Variants in FAT3 observed in about 807,000 individuals in gnomAD.
FAT3 encodes FAT atypical cadherin 3, also known as protocadherin Fat 3.
FAT3 carries 95 observed loss-of-function variants against 310.2 expected under a neutral mutation model. That is an observed-to-expected ratio of 0.31 (90% confidence interval 0.26 to 0.36). The LOEUF is 0.36. Among genes scored for constraint, FAT3 ranks in the 10% least tolerant of loss-of-function variants. FAT3 has a pLI of 1.00. For missense variants in FAT3, 5,408 were observed against 5,715.6 expected (o/e 0.95, Z 1.74); for synonymous variants, 2,314 against 2,192.9 (o/e 1.06, Z -1.54).
intron 4 of FAT3, among the ~76,000 whole-genome samples, chr11:92,728,133 G>A (rs953034209): frequency 5.9e-5 from 9 of 152,102 alleles, no homozygotes; most frequent in Non-Finnish European, 1.2e-4. Context: ...AAGGATTCTC[G>A]GAGGCTATTT....
At chr11:92,581,539 T>C (rs1938799958) in intron 3 of FAT3, among the ~76,000 whole-genome samples, 1 of 152,214 alleles carries the variant, frequency 6.6e-6, no homozygotes, top group East Asian at 1.9e-4. Flanking sequence ...ATCTGATTTT[T>C]ACCCCTTCTT....
At chr11:92,378,352 A>G (rs1949404031) in intron 2 of FAT3, among the ~76,000 whole-genome samples, 1 of 152,182 alleles carries the variant, frequency 6.6e-6, no homozygotes, top group Non-Finnish European at 1.5e-5. Flanking sequence ...AGGAGACTTT[A>G]TCATCGAGAT....
chr11:92,887,060 A>G lies in FAT3; in HGVS notation c.12998A>G (p.Asn4333Ser), dbSNP rs765678336. The part of the protein sequence containing the change: ...TCFAGSNKGS[N>S]SEVQSLSSFQ... ...TTTGCAGGTAGTAATAAAGGCAGCA[A>G]CTCTGAAGTTCAGTCCCTCAGCTCC... The change falls in exon 25 of 28, where the codon AAC becomes AGC. Residue 4333 changes from asparagine (N) to serine (S), a missense_variant. Asn to Ser is a conservative substitution (Grantham distance 46). Transcript: ENST00000525166. 4.3e-6 allele frequency: 7 copies of G among 1,611,898 alleles called. No homozygotes were observed. The highest frequency in any genetic ancestry group is 5.9e-6 in the Non-Finnish European group (7 of 1,179,214).
intron 13 of FAT3, among the ~76,000 whole-genome samples, chr11:92,824,284 G>A (rs1948047400): frequency 6.6e-6 from 1 of 152,094 alleles, no homozygotes; most frequent in African/African-American, 2.4e-5. Flanking sequence ...TTGAACCCAG[G>A]AGGCAGAGGT....
At chr11:92,270,946 C>A (rs1187175) in intron 1 of FAT3, among the ~76,000 whole-genome samples, 83,088 of 151,670 alleles carry the variant, frequency 0.55, 23,031 homozygotes, top group Non-Finnish European at 0.58. Flanking sequence ...TTTTTACATC[C>A]AATCCATTAG....
Position 92,835,048 on chromosome 11 carries a change from C to T in FAT3, c.10050C>T (p.Ile3350=). Residue 3350 remains isoleucine (I), a synonymous_variant, in exon 15 of 28, where the codon ATC becomes ATT. Transcript: ENST00000525166. ...GCCAAGACGTCTACAGTGCGGTTAT[C>T]AGTGAAGACGCCTTGGTGGGAGACT... ...KFSQDVYSAV[I]SEDALVGDSV... is the part of the protein sequence containing the mutation. 1 of 1,613,408 alleles carries T rather than the reference C, an allele frequency of 6.2e-7. No homozygotes were observed. The highest frequency in any genetic ancestry group is 8.5e-7 in the Non-Finnish European group (1 of 1,179,714).
At chr11:92,540,886 G>C (rs557344785) in intron 3 of FAT3, among the ~76,000 whole-genome samples, 8 of 151,990 alleles carry the variant, frequency 5.3e-5, no homozygotes, top group Admixed American at 3.3e-4. Flanking sequence ...TGGATTCTCT[G>C]TGCAATGATT....
At chr11:92,285,002 A>G (rs1007709132) in intron 1 of FAT3, among the ~76,000 whole-genome samples, 1 of 152,192 alleles carries the variant, frequency 6.6e-6, no homozygotes, top group East Asian at 1.9e-4. Flanking sequence ...TTCTATTAGG[A>G]AAATGACATT....
At chr11:92,491,095 T>C (rs143478239) in intron 2 of FAT3, among the ~76,000 whole-genome samples, 82 of 152,176 alleles carry the variant, frequency 5.4e-4, no homozygotes, top group African/African-American at 1.7e-3. Context: ...CGTTTCCCTA[T>C]GTTAGCAGAG....
intron 2 of FAT3, chr11:92,403,294 T>C (rs978854135): frequency 2.6e-5 from 4 of 152,244 alleles, no homozygotes; most frequent in African/African-American, 9.6e-5. Context: ...CCCACTCTTC[T>C]AAGTTCCCAC....
chr11:92,522,519 G>A (rs1953721076), intron 2 of FAT3, among the ~76,000 whole-genome samples: 1 of 152,070 alleles, frequency 6.6e-6, no homozygotes, highest in Non-Finnish European at 1.5e-5. Context: ...CAGCTGGCAT[G>A]GCAGATTTCT....
chr11:92,341,408 TA>T (rs886210855), intron 1 of FAT3, among the ~76,000 whole-genome samples: 1 of 152,122 alleles, frequency 6.6e-6, no homozygotes, highest in Non-Finnish European at 1.5e-5. Flanking sequence ...CACTGAGTAC[TA>T]ATCCAGGCAA....
chr11:92,235,632 C>T (rs1304027160), intron 1 of FAT3, among the ~76,000 whole-genome samples: 1 of 152,142 alleles, frequency 6.6e-6, no homozygotes, highest in African/African-American at 2.4e-5. Flanking sequence ...CCATCTATGA[C>T]CAAATATTGA....
Position 92,867,043 on chromosome 11 carries a change from C to G in FAT3, c.11961C>G (p.Asp3987Glu), listed in dbSNP as rs1949266733. The G allele has an allele frequency of 6.3e-7, 1 of 1,588,756 alleles. No individual in the cohort carries two copies. Among genetic ancestry groups the G allele is most frequent in the Non-Finnish European group, 8.6e-7 (1 of 1,167,576 alleles). The change falls in exon 22 of 28, where the codon GAC (aspartate) becomes GAG (glutamate). Residue 3987 changes from aspartate to glutamate, a missense_variant. Transcript: ENST00000525166. ...TCAGCGGCTTCCAGGGCTGCCTGGA[C>G]TCGGTGATACTGAATAACAATGAGC... ...QVLSGFQGCL[D>E]SVILNNNELP...
chr11:92,863,819 T>C (rs1949174901), intron 21 of FAT3, among the ~76,000 whole-genome samples: 1 of 152,238 alleles, frequency 6.6e-6, no homozygotes, highest in Non-Finnish European at 1.5e-5. Flanking sequence ...ACAGTGTTCT[T>C]TTCTCTCTCT....
chr11:92,236,729 T>G (rs1864435049), intron 1 of FAT3, among the ~76,000 whole-genome samples: 1 of 152,194 alleles, frequency 6.6e-6, no homozygotes, highest in Non-Finnish European at 1.5e-5. Flanking sequence ...TCCCTGAATC[T>G]TTCTTGTACT....
intron 3 of FAT3, among the ~76,000 whole-genome samples, chr11:92,634,801 C>A (rs1941695231): frequency 6.6e-6 from 1 of 152,136 alleles, no homozygotes; most frequent in Non-Finnish European, 1.5e-5. Flanking sequence ...AAGCCGAGCC[C>A]CCAGTGTGGC....
rs1337599146 is a variant in FAT3, at chr11:92,894,101, C to A, written c.*2988C>A. ...ATGGACCCTCTGACTTCCACCATTC[C>A]TTCTTTGGAATATGCTATAAAAGAA... On this transcript the variant is annotated 3_prime_UTR_variant, in exon 28 of 28. Coordinates refer to ENST00000525166, the MANE Select transcript of FAT3 (RefSeq NM_001367949.2). 6 of 152,216 alleles carry A rather than the reference C, an allele frequency of 3.9e-5. No individual in the cohort carries two copies. Among genetic ancestry groups the A allele is most frequent in the Admixed American group, 3.9e-4 (6 of 15,282 alleles). 9.4% of individuals were successfully genotyped at this position (152,216 alleles called of 1,614,324 possible).
intron 3 of FAT3, among the ~76,000 whole-genome samples, chr11:92,544,010 A>T (rs527471684): frequency 6.6e-6 from 1 of 152,212 alleles, no homozygotes; most frequent in Admixed American, 6.5e-5. Context: ...TTTTCCCTGC[A>T]TTCTAGGTTA....
Sources: allele counts gnomAD v4.1 joint callset (sites outside exome capture counted in the v4.1 genomes callset), GRCh38; gene constraint gnomAD v4.1.1; transcripts MANE v1.5; gene names NCBI Gene and HGNC (gene_info 2026-07-23, HGNC 2026-07-21).